The following INSL6 variants were observed in gnomAD, a reference collection of about 807,000 sequenced individuals.
INSL6 encodes insulin like 6.
Under a neutral mutation model 9.4 loss-of-function variants are expected in INSL6, and 16 were observed. The observed-to-expected ratio is 1.70, with a 90% confidence interval of 1.15 to 2.59. The LOEUF (loss-of-function observed/expected upper bound fraction) is 2.59, where lower values mean the gene tolerates loss of function less well. Among genes scored for constraint, INSL6 ranks in the 30% most tolerant of loss-of-function variants. INSL6 has a pLI of 0.00. For synonymous variants in INSL6, 154 were observed against 96.9 expected (o/e 1.59, Z -3.46); for missense variants, 391 against 257.3 (o/e 1.52, Z -3.56).
chr9:5,131,107 TAAAG>T (rs1311084340), intron 3 of INSL6, among the ~76,000 whole-genome samples: 1 of 152,136 alleles, frequency 6.6e-6, no homozygotes, highest in African/African-American at 2.4e-5. Flanking sequence ...ACAATGAAGT[TAAAG>T]AAATCAAAGA....
chr9:5,042,336 A>C, the INSL6 span, among the ~76,000 whole-genome samples: 1 of 150,224 alleles, frequency 6.7e-6, no homozygotes, highest in African/African-American at 2.4e-5. Flanking sequence ...ACGGGGTTTC[A>C]CCTTGTTAGC....
intron 2 of INSL6, among the ~76,000 whole-genome samples, chr9:5,134,013 G>A (rs1393174925): frequency 6.6e-6 from 1 of 152,072 alleles, no homozygotes; most frequent in East Asian, 1.9e-4. Flanking sequence ...TGACATAATG[G>A]AGCTAAAAAA....
At chr9:5,115,226 C>T in the INSL6 span, among the ~76,000 whole-genome samples, 2 of 152,060 alleles carry the variant, frequency 1.3e-5, no homozygotes, top group African/African-American at 2.4e-5. Flanking sequence ...AAGAAAAAAA[C>T]AACCCCATCA....
the INSL6 span, chr9:5,069,099 G>A: frequency 6.2e-7 from 1 of 1,611,456 alleles, no homozygotes; most frequent in East Asian, 2.2e-5. Flanking sequence ...GTGGGACAAA[G>A]AAGAACTTCA....
At chr9:5,005,083 A>ATTTTTTTTTTTTT in the INSL6 span, among the ~76,000 whole-genome samples, 2 of 40,034 alleles carry the variant, frequency 5.0e-5, 1 homozygote. Flanking sequence ...TGCCTGGCTA[A>ATTTTTTTTTTTTT]TTTTTTTTTT....
chr9:5,005,176 C>T, the INSL6 span, among the ~76,000 whole-genome samples: 7 of 137,724 alleles, frequency 5.1e-5, no homozygotes, highest in South Asian at 1.7e-3. Context: ...TCTTGAACTC[C>T]TGGTCTCAAG....
intron 2 of INSL6, among the ~76,000 whole-genome samples, chr9:5,147,314 C>G (rs1484196814): frequency 6.6e-6 from 1 of 152,168 alleles, no homozygotes; most frequent in African/African-American, 2.4e-5. Context: ...AGTCTGGACT[C>G]CTCTCCTTGG....
the INSL6 span, chr9:5,073,618 T>C: frequency 9.5e-7 from 1 of 1,048,642 alleles, no homozygotes; most frequent in Non-Finnish European, 1.5e-6. Flanking sequence ...AGTGCATCTT[T>C]ATTATGGCAG....
chr9:5,145,184 C>T (rs1824576816), intron 2 of INSL6, among the ~76,000 whole-genome samples: 1 of 152,102 alleles, frequency 6.6e-6, no homozygotes, highest in South Asian at 2.1e-4. Flanking sequence ...TCAGCATTTA[C>T]TTGTCTGAAA....
the INSL6 span, among the ~76,000 whole-genome samples, chr9:4,996,256 C>T: frequency 6.6e-6 from 1 of 152,114 alleles, no homozygotes; most frequent in Non-Finnish European, 1.5e-5. Flanking sequence ...CACCACCAGC[C>T]TGACTAACAT....
rs113779178 is a variant in INSL6 at position 5,135,898 on chromosome 9, A to C, written c.377-2306T>G. Among the ~76,000 whole-genome samples, 672 of 152,306 alleles carry C rather than the reference A, an allele frequency of 4.4e-3. 3 individuals are homozygous for C. The highest frequency in any genetic ancestry group is 0.016 in the African/African-American group (646 of 41,570). On this transcript the variant is annotated intron_variant, in intron 2 of 3. Coordinates refer to the INSL6 transcript ENST00000649639. ...GCTAGCCAGATTAATAAACAAGAAAAGAGAGAAGAATCAAATAGACTTAAT... is the reference window on the plus strand; with the variant it reads ...GCTAGCCAGATTAATAAACAAGAAACGAGAGAAGAATCAAATAGACTTAAT...
the INSL6 span, among the ~76,000 whole-genome samples, chr9:5,036,502 C>G: frequency 2.2e-4 from 34 of 152,310 alleles, no homozygotes; most frequent in Admixed American, 5.9e-4. Context: ...GTAACCAAAA[C>G]AGCATGGTAC....
At chr9:5,081,677 A>T in the INSL6 span, 1 of 1,392,012 alleles carries the variant, frequency 7.2e-7, no homozygotes, top group Non-Finnish European at 1.0e-6. Flanking sequence ...TTTAGTCCAG[A>T]GAATGTTATT....
chr9:5,080,416 C>A, the INSL6 span: 1 of 1,557,430 alleles, frequency 6.4e-7, no homozygotes, highest in South Asian at 1.2e-5. Flanking sequence ...ATTACTCTAT[C>A]TCTGAACTTT....
the INSL6 span, among the ~76,000 whole-genome samples, chr9:5,060,683 G>T: frequency 6.6e-6 from 1 of 152,130 alleles, no homozygotes; most frequent in South Asian, 2.1e-4. Flanking sequence ...ACCCCTCAAA[G>T]TCATCCATGA....
intron 2 of INSL6, among the ~76,000 whole-genome samples, chr9:5,136,684 G>T (rs1032266849): frequency 1.3e-5 from 2 of 152,098 alleles, no homozygotes; most frequent in Non-Finnish European, 2.9e-5. Flanking sequence ...GGCAAAAACT[G>T]GAAGCATTCC....
the INSL6 span, among the ~76,000 whole-genome samples, chr9:5,012,073 G>A: frequency 6.6e-6 from 1 of 152,120 alleles, no homozygotes; most frequent in Non-Finnish European, 1.5e-5. Context: ...CAGGAGTCAG[G>A]CCCCACTGAC....
At chr9:5,098,205 A>G in the INSL6 span, 4 of 152,318 alleles carry the variant, frequency 2.6e-5, no homozygotes, top group East Asian at 7.7e-4. Context: ...CCCTTAAATG[A>G]AAAAGAAAGG....
intron 1 of INSL6, among the ~76,000 whole-genome samples, chr9:5,166,494 A>G (rs1825054891): frequency 1.3e-5 from 2 of 152,208 alleles, no homozygotes; most frequent in African/African-American, 4.8e-5. Flanking sequence ...TACAGCAGAA[A>G]AAAAGAAATA....
Sources: allele counts gnomAD v4.1 joint callset (sites outside exome capture counted in the v4.1 genomes callset), GRCh38; gene constraint gnomAD v4.1.1; transcripts MANE v1.5; gene names NCBI Gene and HGNC (gene_info 2026-07-23, HGNC 2026-07-21).